NEGR1: variants seen among roughly 807,000 people sequenced by gnomAD.
The protein encoded by NEGR1 is IgLON family member 4.
A neutral mutation model predicts 40.9 loss-of-function variants in NEGR1; 10 were observed. The observed-to-expected ratio is 0.24, with a 90% CI of 0.15 to 0.42. The LOEUF (loss-of-function observed/expected upper bound fraction) is 0.42. NEGR1 is among the 10% of genes least tolerant of loss of function. The pLI is 1.00. For synonymous variants in NEGR1, 185 were observed against 166.8 expected (o/e 1.11, Z -0.84); for missense variants, 352 against 438.9 (o/e 0.80, Z 1.77).
At chr1:72,161,515 A>G (rs1207699875) in intron 1 of NEGR1, among the ~76,000 whole-genome samples, 1 of 152,104 alleles carries the variant, frequency 6.6e-6, no homozygotes. Context: ...TATACATCCT[A>G]CAATGTACGG....
chr1:71,615,313 T>C (rs944205286), intron 4 of NEGR1, among the ~76,000 whole-genome samples: 8 of 151,880 alleles, frequency 5.3e-5, no homozygotes, highest in African/African-American at 1.5e-4. Context: ...CCTGGCCTCA[T>C]AGAGCTGATA....
chr1:71,976,736 G>A lies in NEGR1; in HGVS notation c.177-41425C>T, dbSNP rs1319160180. ...CTTTTGTCTTTGCACTAAGGTTTTC[G>A]AAGAGAAACATTTATTTCCAATCAC... On this transcript the variant is annotated intron_variant, in intron 1 of 6. Transcript: ENST00000357731. Among the ~76,000 whole-genome samples, 6 of 151,984 alleles carry A rather than the reference G, an allele frequency of 3.9e-5. No individual in the cohort carries two copies. The East Asian group carries it at 7.7e-4, about 20-fold the overall frequency.
Position 71,912,997 on chromosome 1 carries a change from G to A in NEGR1, c.409+22082C>T, listed in dbSNP as rs141375405. 5.5e-3 allele frequency among the ~76,000 whole-genome samples: 840 copies of A among 151,838 alleles called. 4 individuals carry two copies. Among genetic ancestry groups the A allele is most frequent in the African/African-American group, 0.019 (794 of 41,380 alleles). ...ACATGTGTGATTCAGTGCAATTCTC[G>A]GAAGAAAATTCTTATCTGTTTGAGT... On this transcript the variant is annotated intron_variant, in intron 2 of 6. Coordinates refer to ENST00000357731, the MANE Select transcript of NEGR1 (RefSeq NM_173808.3).
chr1:71,733,529 T>A (rs1190631985), intron 3 of NEGR1, among the ~76,000 whole-genome samples: 2 of 152,178 alleles, frequency 1.3e-5, no homozygotes, highest in African/African-American at 4.8e-5. Flanking sequence ...TTGCCCAGAT[T>A]GAGTAGAAGT....
At chr1:71,588,865 C>T (rs1015935900) in intron 6 of NEGR1, among the ~76,000 whole-genome samples, 8 of 152,076 alleles carry the variant, frequency 5.3e-5, no homozygotes, top group Admixed American at 3.3e-4. Flanking sequence ...TGTATCTTTG[C>T]GGATCAGGGA....
intron 1 of NEGR1, among the ~76,000 whole-genome samples, chr1:72,081,913 C>T (rs186422875): frequency 1.8e-4 from 27 of 152,074 alleles, no homozygotes; most frequent in Middle Eastern, 3.4e-3. Context: ...AACTTTAATG[C>T]GAATGACTGT....
chr1:71,528,505 G>T (rs59428307), intron 6 of NEGR1, among the ~76,000 whole-genome samples: 6,104 of 151,132 alleles, frequency 0.04, 405 homozygotes, highest in African/African-American at 0.14. Context: ...GATCTTCCTG[G>T]GGTAAGTTAA....
chr1:72,236,517 C>T (rs1281131081), intron 1 of NEGR1, among the ~76,000 whole-genome samples: 2 of 152,054 alleles, frequency 1.3e-5, no homozygotes, highest in South Asian at 2.1e-4. Context: ...GTACTAATGT[C>T]TAGTTCATCA....
intron 2 of NEGR1, among the ~76,000 whole-genome samples, chr1:71,898,866 AAT>A (rs1224009596): frequency 1.5e-5 from 2 of 135,640 alleles, no homozygotes; most frequent in Admixed American, 7.5e-5. Context: ...ATATATTGCA[AAT>A]ATATATATTG....
At chr1:71,550,739 C>T (rs2101468683) in intron 6 of NEGR1, among the ~76,000 whole-genome samples, 1 of 151,686 alleles carries the variant, frequency 6.6e-6, no homozygotes, top group Non-Finnish European at 1.5e-5. Context: ...AACTGGACCA[C>T]AATTTTTCCT....
intron 4 of NEGR1, among the ~76,000 whole-genome samples, chr1:71,675,980 A>G (rs1168518329): frequency 1.3e-5 from 2 of 151,980 alleles, no homozygotes; most frequent in Non-Finnish European, 1.5e-5. Flanking sequence ...TTTAGTTTCT[A>G]TACAGATACT....
In NEGR1 at chr1:72,249,610, ATCC is replaced by A. The variant is rs1655018919; in HGVS notation, c.176+32706_176+32708del. 2.0e-5 allele frequency among the ~76,000 whole-genome samples: 3 copies of A among 152,310 alleles called. No homozygotes were observed. The South Asian group carries it at 6.2e-4, about 32-fold the overall frequency. On this transcript the variant is annotated intron_variant, in intron 1 of 6. Transcript: ENST00000357731. ...CAAAGCAAGTGACAATTAAATACTT[ATCC>A]ATGTGGCCAAGATTATAGGTACTAA...
chr1:71,770,721 T>A (rs917006239), intron 3 of NEGR1, among the ~76,000 whole-genome samples: 1 of 152,120 alleles, frequency 6.6e-6, no homozygotes, highest in African/African-American at 2.4e-5. Context: ...TAAAGACTTT[T>A]TAAAAATGTA....
chr1:72,049,814 T>C (rs977880055), intron 1 of NEGR1, among the ~76,000 whole-genome samples: 2 of 151,580 alleles, frequency 1.3e-5, no homozygotes, highest in Non-Finnish European at 1.5e-5. Flanking sequence ...GTTGGTGTTA[T>C]TATTTCGCTC....
At chr1:71,977,199 A>G (rs1397651064) in intron 1 of NEGR1, among the ~76,000 whole-genome samples, 1 of 151,972 alleles carries the variant, frequency 6.6e-6, no homozygotes, top group Non-Finnish European at 1.5e-5. Flanking sequence ...GGTGGCGTGA[A>G]CCTGTAATCC....
chr1:72,223,309 C>T (rs1654071368), intron 1 of NEGR1, among the ~76,000 whole-genome samples: 1 of 152,116 alleles, frequency 6.6e-6, no homozygotes, highest in South Asian at 2.1e-4. Context: ...GAACCAAATT[C>T]CAATCGCTTA....
At chr1:72,081,868 G>GTACT (rs1179351573) in intron 1 of NEGR1, among the ~76,000 whole-genome samples, 1 of 152,000 alleles carries the variant, frequency 6.6e-6, no homozygotes, top group African/African-American at 2.4e-5. Context: ...GCAATGACAA[G>GTACT]TACTTCCTTA....
At chr1:72,086,907 G>A (rs1468128810) in intron 1 of NEGR1, among the ~76,000 whole-genome samples, 1 of 151,740 alleles carries the variant, frequency 6.6e-6, no homozygotes, top group Non-Finnish European at 1.5e-5. Flanking sequence ...GTTGCAAAAG[G>A]CTTATGGCAA....
At chr1:72,132,853 C>T (rs946609305) in intron 1 of NEGR1, among the ~76,000 whole-genome samples, 1 of 152,042 alleles carries the variant, frequency 6.6e-6, no homozygotes, top group Non-Finnish European at 1.5e-5. Context: ...AAAGTTATGA[C>T]TAATCAAGAG....
Sources: gnomAD v4.1 joint callset for allele counts (sites outside exome capture counted in the v4.1 genomes callset) on GRCh38, gnomAD v4.1.1 for gene constraint, MANE v1.5 for transcripts, NCBI Gene and HGNC (gene_info 2026-07-23, HGNC 2026-07-21) for gene names.